The following PRIM2 variants were observed in gnomAD, a reference collection of about 807,000 sequenced individuals.
PRIM2 encodes the protein DNA primase large subunit.
Under a neutral mutation model 67.3 loss-of-function variants are expected in PRIM2, and 39 were observed. That is an observed-to-expected ratio of 0.58 (90% CI 0.45 to 0.76). The LOEUF (loss-of-function observed/expected upper bound fraction) is 0.76. Ranked by LOEUF, PRIM2 falls within the 30% of genes least tolerant of loss-of-function variation. PRIM2 has a pLI of 0.00. For synonymous variants in PRIM2, 143 were observed against 198.7 expected (o/e 0.72, Z 2.36); for missense variants, 398 against 598.7 (o/e 0.66, Z 3.50).
chr6:57,397,852 T>C (rs1770570000), intron 7 of PRIM2, among the ~76,000 whole-genome samples: 3 of 152,026 alleles, frequency 2.0e-5, no homozygotes, highest in Non-Finnish European at 4.4e-5. Context: ...GCTTCTCTAA[T>C]TCTTTCAGTT....
intron 5 of PRIM2, among the ~76,000 whole-genome samples, chr6:57,377,286 A>G (rs1447288218): frequency 3.3e-5 from 5 of 152,148 alleles, no homozygotes; most frequent in South Asian, 4.1e-4. Context: ...ATACTAAATC[A>G]TATAATCTGC....
Position 57,557,858 on chromosome 6 carries a change from A to G in PRIM2, c.1020+20233A>G, listed in dbSNP as rs1251813493. Among the ~76,000 whole-genome samples, 10 of 152,036 alleles carry G rather than the reference A, an allele frequency of 6.6e-5. No individual in the cohort carries two copies. In the South Asian group the frequency reaches 1.5e-3, roughly 22 times the overall value. Reference sequence around the variant, plus strand: ...TTATAACTTGTATTTTAATATAACTATTGAATTGCCTTGCAAATAATAATA... The same window carrying G: ...TTATAACTTGTATTTTAATATAACTGTTGAATTGCCTTGCAAATAATAATA... On this transcript the variant is annotated intron_variant, in intron 10 of 13. Coordinates refer to ENST00000615550, the MANE Select transcript of PRIM2 (RefSeq NM_000947.5).
the PRIM2 span, among the ~76,000 whole-genome samples, chr6:57,224,873 C>T: frequency 6.6e-6 from 1 of 152,208 alleles, no homozygotes; most frequent in South Asian, 2.1e-4. Flanking sequence ...ACAGAAGAAA[C>T]ACTCTGCTTT....
At chr6:57,537,128 G>A (rs1367314233) in intron 9 of PRIM2, among the ~76,000 whole-genome samples, 1 of 152,014 alleles carries the variant, frequency 6.6e-6, no homozygotes, top group Non-Finnish European at 1.5e-5. Flanking sequence ...TCTTGTAACT[G>A]TATGGGAGTC....
intron 9 of PRIM2, among the ~76,000 whole-genome samples, chr6:57,535,353 C>T (rs1337754201): frequency 3.3e-4 from 50 of 152,294 alleles, no homozygotes; most frequent in African/African-American, 1.1e-3. Flanking sequence ...ATATACTGGG[C>T]TTTCCCAGGC....
chr6:57,475,192 C>T (rs1317790774), intron 7 of PRIM2, among the ~76,000 whole-genome samples: 2 of 152,132 alleles, frequency 1.3e-5, no homozygotes, highest in Admixed American at 6.5e-5. Context: ...CCTCCTACAA[C>T]TTTTTTGTAA....
At chr6:57,374,598 A>T (rs188452402) in intron 5 of PRIM2, among the ~76,000 whole-genome samples, 2 of 131,336 alleles carry the variant, frequency 1.5e-5, no homozygotes, top group African/African-American at 5.8e-5. Flanking sequence ...GGCCTTATTT[A>T]TTTATTTTTT....
At chr6:57,308,034 T>G in the PRIM2 span, among the ~76,000 whole-genome samples, 1 of 152,242 alleles carries the variant, frequency 6.6e-6, no homozygotes. Flanking sequence ...CATGTCGATA[T>G]GCTTACTGTA....
At chr6:57,609,254 A>G (rs1399722978) in intron 12 of PRIM2, among the ~76,000 whole-genome samples, 14 of 152,224 alleles carry the variant, frequency 9.2e-5, no homozygotes, top group Non-Finnish European at 1.9e-4. Context: ...GAACCAAAGA[A>G]TGGTGACAGA....
the PRIM2 span, among the ~76,000 whole-genome samples, chr6:57,276,119 G>A: frequency 6.6e-6 from 1 of 152,164 alleles, no homozygotes; most frequent in East Asian, 1.9e-4. Context: ...GCCAGGCGCA[G>A]TGGCTCACAC....
chr6:57,643,761 T>TA (rs1214838092), intron 13 of PRIM2, among the ~76,000 whole-genome samples: 1 of 152,118 alleles, frequency 6.6e-6, no homozygotes, highest in Non-Finnish European at 1.5e-5. Context: ...GCAGCTAAGT[T>TA]AAAAAAATGA....
At chr6:57,244,756 T>C in the PRIM2 span, among the ~76,000 whole-genome samples, 6 of 143,644 alleles carry the variant, frequency 4.2e-5, no homozygotes, top group African/African-American at 1.5e-4. Flanking sequence ...AAAAAAAAAA[T>C]TGCTTAATTT....
At chr6:57,595,043 G>A (rs1776341939) in intron 10 of PRIM2, among the ~76,000 whole-genome samples, 1 of 152,152 alleles carries the variant, frequency 6.6e-6, no homozygotes, top group South Asian at 2.1e-4. Flanking sequence ...TTAGTCATCA[G>A]GGAAATGCAA....
chr6:57,555,562 G>A (rs1416132541), intron 10 of PRIM2, among the ~76,000 whole-genome samples: 1 of 152,222 alleles, frequency 6.6e-6, no homozygotes, highest in Non-Finnish European at 1.5e-5. Flanking sequence ...TTATAGGCGT[G>A]AGCCACCGTG....
At chr6:57,224,776 T>G in the PRIM2 span, among the ~76,000 whole-genome samples, 1 of 152,198 alleles carries the variant, frequency 6.6e-6, no homozygotes, top group African/African-American at 2.4e-5. Context: ...TGTTGGACAT[T>G]GAAGGAGATC....
chr6:57,504,426 C>G (rs1774211202), intron 7 of PRIM2, among the ~76,000 whole-genome samples: 1 of 152,136 alleles, frequency 6.6e-6, no homozygotes, highest in Non-Finnish European at 1.5e-5. Context: ...AGTTAGTTAT[C>G]TGTTAACACT....
At chr6:57,377,956 G>A (rs1343640511) in intron 5 of PRIM2, among the ~76,000 whole-genome samples, 4 of 152,044 alleles carry the variant, frequency 2.6e-5, no homozygotes, top group African/African-American at 9.6e-5. Context: ...GCTCAGAAAT[G>A]TCATTTCTTA....
rs1774406612 is a variant in PRIM2 at position 57,513,234 on chromosome 6, A to C, written c.761+5780A>C. The stretch of plus-strand genomic sequence containing the variant: ...ATCGTTCACTGATTTGGTAGTTTGG[A>C]GATACATAAAGGTCTTGGAATATGT... On this transcript the variant is annotated intron_variant, in intron 8 of 13. Coordinates refer to ENST00000615550, the MANE Select transcript of PRIM2 (RefSeq NM_000947.5). 8.0e-5 allele frequency among the ~76,000 whole-genome samples: 12 copies of C among 150,854 alleles called. No individual in the cohort carries two copies. The South Asian group carries it at 2.5e-3, about 32-fold the overall frequency.
intron 10 of PRIM2, among the ~76,000 whole-genome samples, chr6:57,592,307 T>A (rs1463504837): frequency 6.6e-6 from 1 of 152,162 alleles, no homozygotes; most frequent in African/African-American, 2.4e-5. Context: ...TGTAATAAAT[T>A]TAAAAATTAA....
Sources: gnomAD v4.1 joint callset for allele counts (sites outside exome capture counted in the v4.1 genomes callset) on GRCh38, gnomAD v4.1.1 for gene constraint, MANE v1.5 for transcripts, NCBI Gene and HGNC (gene_info 2026-07-23, HGNC 2026-07-21) for gene names.